PPP2R3C: variants seen among roughly 807,000 people sequenced by gnomAD.
PPP2R3C encodes protein phosphatase 2 regulatory subunit B''gamma, also known as serine/threonine-protein phosphatase 2A regulatory subunit B'' subunit gamma.
PPP2R3C carries 47 observed loss-of-function variants against 63.7 expected under a neutral mutation model. The observed-to-expected ratio is 0.74, with a 90% CI of 0.58 to 0.94. The LOEUF (loss-of-function observed/expected upper bound fraction) is 0.94, where lower values mean the gene tolerates loss of function less well. Ranked by LOEUF, PPP2R3C falls within the 40% of genes least tolerant of loss-of-function variation. PPP2R3C has a pLI of 0.00. For missense variants in PPP2R3C, 421 were observed against 518.4 expected (o/e 0.81, Z 1.82); for synonymous variants, 180 against 177.4 (o/e 1.01, Z -0.12).
chr14:35,091,009 C>G, intron 11 of PPP2R3C, 61 bp downstream of exon 11: 1 of 1,480,454 alleles, frequency 6.8e-7, no homozygotes, highest in South Asian at 1.2e-5. Flanking sequence ...GCCACTGCAC[C>G]GGCAGCAACA....
intron 1 of PPP2R3C, among the ~76,000 whole-genome samples, chr14:35,118,687 A>ACT (rs10634753): frequency 0.83 from 118,302 of 143,176 alleles, 49,070 homozygotes; most frequent in Non-Finnish European, 0.88. Flanking sequence ...ACTGAGTCTC[A>ACT]CTGTCACCCA....
chr14:35,120,337 C>T (rs1037611725), intron 1 of PPP2R3C, among the ~76,000 whole-genome samples: 2 of 151,836 alleles, frequency 1.3e-5, no homozygotes, highest in Non-Finnish European at 2.9e-5. Context: ...CTCCGCCTCT[C>T]GGGTTGAAGG....
intron 1 of PPP2R3C, among the ~76,000 whole-genome samples, chr14:35,119,755 G>A (rs2046809552): frequency 6.7e-6 from 1 of 150,208 alleles, no homozygotes; most frequent in Non-Finnish European, 1.5e-5. Context: ...GGAAAGAAAG[G>A]AGGAGGCTGG....
At chr14:35,104,954 G>A (rs2046301576) in intron 6 of PPP2R3C, among the ~76,000 whole-genome samples, 1 of 151,108 alleles carries the variant, frequency 6.6e-6, no homozygotes, top group Non-Finnish European at 1.5e-5. Flanking sequence ...GGCTGGTCTC[G>A]AAGTCCTGAC....
chr14:35,091,714 TTC>T, intron 10 of PPP2R3C, among the ~76,000 whole-genome samples: 1 of 151,564 alleles, frequency 6.6e-6, no homozygotes. Flanking sequence ...GAGGACATAG[TTC>T]TTTTTTATTT....
chr14:35,094,481 T>A (rs10220544), intron 10 of PPP2R3C, among the ~76,000 whole-genome samples: 25,289 of 144,472 alleles, frequency 0.18, 2,288 homozygotes, highest in East Asian at 0.24. Flanking sequence ...AGCTTTTTTT[T>A]AAAAAAAAAA....
At chr14:35,112,004 T>G (rs1356665587) in intron 2 of PPP2R3C, among the ~76,000 whole-genome samples, 1 of 152,224 alleles carries the variant, frequency 6.6e-6, no homozygotes, top group Non-Finnish European at 1.5e-5. Context: ...ATTGGCTCTA[T>G]CTGGGTAGCA....
intron 6 of PPP2R3C, among the ~76,000 whole-genome samples, chr14:35,105,486 G>C (rs574017475): frequency 6.6e-6 from 1 of 151,192 alleles, no homozygotes; most frequent in East Asian, 1.9e-4. Flanking sequence ...CAGCCAAAAG[G>C]CCTTTTTTTT....
Position 35,099,234 on chromosome 14 carries a change from G to C in PPP2R3C, c.706+18C>G. ...TAATATCCTCATAATATCTAAGTTAGATAAGATTTTCTTTTACCTGTTCTT... is the reference window on the plus strand; with the variant it reads ...TAATATCCTCATAATATCTAAGTTACATAAGATTTTCTTTTACCTGTTCTT... On this transcript the variant is annotated intron_variant, in intron 7 of 12. Transcript: ENST00000261475. The C allele has an allele frequency of 6.5e-7, 1 of 1,539,598 alleles. No individual in the cohort carries two copies. The highest frequency in any genetic ancestry group is 8.7e-7 in the Non-Finnish European group (1 of 1,151,952).
At chr14:35,117,005 T>G (rs904563974) in intron 1 of PPP2R3C, 1 of 432,498 alleles carries the variant, frequency 2.3e-6, no homozygotes, top group African/African-American at 2.0e-5. Context: ...TTCCTCAAAT[T>G]ACCTCTCCTA....
intron 2 of PPP2R3C, chr14:35,112,931 C>T (rs567923929): frequency 6.6e-6 from 1 of 152,320 alleles, no homozygotes; most frequent in Non-Finnish European, 1.5e-5. Flanking sequence ...CTGGAAGCCC[C>T]ACTTCAAATT....
chr14:35,104,062 A>C (rs779956106), intron 6 of PPP2R3C, among the ~76,000 whole-genome samples: 20 of 152,342 alleles, frequency 1.3e-4, no homozygotes, highest in Middle Eastern at 3.4e-3. Flanking sequence ...CCATGGAAAG[A>C]GGCAAGACAA....
chr14:35,088,059 A>T (rs954681554), intron 11 of PPP2R3C, 49 bp from the exon 12 acceptor site: 2 of 1,356,186 alleles, frequency 1.5e-6, no homozygotes, highest in Non-Finnish European at 2.1e-6. Flanking sequence ...AATACACAAC[A>T]TCCCTCTTTT....
chr14:35,118,856 G>C (rs116298868), intron 1 of PPP2R3C, among the ~76,000 whole-genome samples: 2,173 of 152,044 alleles, frequency 0.014, 41 homozygotes, highest in African/African-American at 0.046. Flanking sequence ...GTTTCACCAC[G>C]TTGGCCAGGC....
intron 9 of PPP2R3C, among the ~76,000 whole-genome samples, chr14:35,095,843 T>A (rs1213742512): frequency 2.7e-5 from 3 of 111,942 alleles, no homozygotes; most frequent in East Asian, 2.8e-4. Context: ...AGTGCAAGAC[T>A]CTATCTCCAA....
chr14:35,106,663 A>AT (rs35661935), intron 6 of PPP2R3C, among the ~76,000 whole-genome samples: 1,020 of 100,390 alleles, frequency 0.01, 29 homozygotes, highest in African/African-American at 0.034. Context: ...CAGCCAATAC[A>AT]TTTTTTTTTT....
chr14:35,110,703 A>G (rs2046527058), intron 2 of PPP2R3C, 74 bp from the exon 3 acceptor site: 1 of 928,472 alleles, frequency 1.1e-6, no homozygotes, highest in African/African-American at 1.7e-5. Context: ...TGGCCTCATA[A>G]AATAACTGTA....
chr14:35,115,678 G>A (rs1040538178), intron 2 of PPP2R3C, among the ~76,000 whole-genome samples: 1 of 152,132 alleles, frequency 6.6e-6, no homozygotes, highest in East Asian at 1.9e-4. Context: ...CTGGAGTGCA[G>A]TGGCGCGATC....
intron 1 of PPP2R3C, among the ~76,000 whole-genome samples, chr14:35,119,789 AAAG>A (rs1460433308): frequency 6.6e-6 from 1 of 152,160 alleles, no homozygotes; most frequent in African/African-American, 2.4e-5. Context: ...AATACAGGGA[AAAG>A]AATGCAATCT....
Sources: gnomAD v4.1 joint callset for allele counts (sites outside exome capture counted in the v4.1 genomes callset) on GRCh38, gnomAD v4.1.1 for gene constraint, MANE v1.5 for transcripts, NCBI Gene and HGNC (gene_info 2026-07-23, HGNC 2026-07-21) for gene names.